The following UBE3C variants were observed in gnomAD, a reference collection of about 807,000 sequenced individuals.
UBE3C encodes ubiquitin-protein ligase E3C.
Under a neutral mutation model 129.4 loss-of-function variants are expected in UBE3C, and 42 were observed. The ratio of observed to expected loss-of-function variants is 0.32; its 90% confidence interval spans 0.25 to 0.42. The LOEUF (loss-of-function observed/expected upper bound fraction) is 0.42, where lower values mean the gene tolerates loss of function less well. Among genes scored for constraint, UBE3C ranks in the 10% least tolerant of loss-of-function variants. The pLI is 1.00. For missense variants in UBE3C, 1,049 were observed against 1,319.1 expected (o/e 0.80, Z 3.17); for synonymous variants, 510 against 492.4 (o/e 1.04, Z -0.47).
rs1807350642 is a variant in UBE3C at position 157,139,189 on chromosome 7, C to T, written c.-84C>T. 2 of 1,039,016 alleles carry T rather than the reference C, an allele frequency of 1.9e-6. No homozygotes were observed. Among genetic ancestry groups the T allele is most frequent in the Non-Finnish European group, 2.4e-6 (2 of 847,266 alleles). The allele number at this position is 1,039,016 out of a possible 1,614,324, so 64.4% of individuals were successfully genotyped here. ...TGCCCCGGGCCGGGCGGGCGGGCGCCGAGAGCCTCCCAGCCCGCCCCGTGC... is the reference window on the plus strand; with the variant it reads ...TGCCCCGGGCCGGGCGGGCGGGCGCTGAGAGCCTCCCAGCCCGCCCCGTGC... On this transcript the variant is annotated 5_prime_UTR_variant, in exon 1 of 23. It introduces an in-frame stop codon into an upstream open reading frame of the 5' UTR. Coordinates refer to ENST00000348165, the MANE Select transcript of UBE3C (RefSeq NM_014671.3).
chr7:157,195,179 T>G (rs565063787), intron 10 of UBE3C, among the ~76,000 whole-genome samples: 2 of 152,316 alleles, frequency 1.3e-5, no homozygotes, highest in Admixed American at 1.3e-4. Flanking sequence ...CCCAGCTATT[T>G]CAGAAAAAGC....
intron 1 of UBE3C, among the ~76,000 whole-genome samples, chr7:157,162,791 T>TA (rs1372784888): frequency 6.6e-6 from 1 of 152,176 alleles, no homozygotes; most frequent in Non-Finnish European, 1.5e-5. Context: ...GTGCAGGGAT[T>TA]ACAGGCATGA....
intron 13 of UBE3C, among the ~76,000 whole-genome samples, chr7:157,213,088 AC>A (rs1809643088): frequency 6.6e-6 from 1 of 152,192 alleles, no homozygotes; most frequent in Admixed American, 6.5e-5. Context: ...ATTTATTAGT[AC>A]TTGAATAATG....
intron 5 of UBE3C, 34 bp from the exon 6 acceptor site, chr7:157,178,656 T>G: frequency 6.3e-7 from 1 of 1,598,924 alleles, no homozygotes; most frequent in Non-Finnish European, 8.5e-7. Flanking sequence ...TTTGCCATCC[T>G]GTAAGTGTGT....
At chr7:157,225,348 T>C (rs1795847010) in intron 16 of UBE3C, 59 bp from the exon 17 acceptor site, 2 of 1,545,734 alleles carry the variant, frequency 1.3e-6, no homozygotes, top group African/African-American at 2.8e-5. Context: ...GTTTATTCTT[T>C]GGTAGGTTGT....
At chr7:157,146,272 C>T (rs1440662133) in intron 1 of UBE3C, among the ~76,000 whole-genome samples, 5 of 151,726 alleles carry the variant, frequency 3.3e-5, no homozygotes, top group African/African-American at 9.7e-5. Context: ...GACGAAGTCT[C>T]GCTCTGTCTC....
intron 2 of UBE3C, among the ~76,000 whole-genome samples, chr7:157,167,276 A>G (rs1289377801): frequency 1.3e-5 from 2 of 152,040 alleles, no homozygotes; most frequent in African/African-American, 2.4e-5. Flanking sequence ...AACTACATCT[A>G]CATGACCTGA....
Position 157,174,918 on chromosome 7 carries a change from G to T in UBE3C, c.343-1G>T. 1 of 1,593,056 alleles carries T rather than the reference G, an allele frequency of 6.3e-7. No homozygotes were observed. ...GTATATTTTATGTTTTGCTGTTTCA[G>T]ATATGGCTGTATCAGAACTTAATTA... On this transcript the variant is annotated splice_acceptor_variant, in intron 4 of 22. Transcript: ENST00000348165. LOFTEE classifies it high-confidence loss of function.
chr7:157,209,952 G>A lies in UBE3C; in HGVS notation c.1809+2017G>A, dbSNP rs138455874. 4.8e-3 allele frequency among the ~76,000 whole-genome samples: 732 copies of A among 152,336 alleles called. 6 individuals carry two copies. In the Middle Eastern group the frequency reaches 0.058, roughly 12 times the overall value. ...TCCCAGCACTTTGGGAGGCCAAGGCGGGTGGATCACGAGGTCAGGAGTTTG... is the reference window on the plus strand; with the variant it reads ...TCCCAGCACTTTGGGAGGCCAAGGCAGGTGGATCACGAGGTCAGGAGTTTG... On this transcript the variant is annotated intron_variant, in intron 13 of 22. Coordinates refer to ENST00000348165, the MANE Select transcript of UBE3C (RefSeq NM_014671.3).
chr7:157,206,255 TC>T, intron 11 of UBE3C, among the ~76,000 whole-genome samples: 1 of 152,312 alleles, frequency 6.6e-6, no homozygotes, highest in South Asian at 2.1e-4. Flanking sequence ...ATATCGTAGC[TC>T]TTTTTTATTT....
intron 18 of UBE3C, among the ~76,000 whole-genome samples, chr7:157,244,469 CTGCT>C (rs903229951): frequency 6.6e-6 from 1 of 152,098 alleles, no homozygotes; most frequent in Non-Finnish European, 1.5e-5. Flanking sequence ...TTAAAATTAT[CTGCT>C]TGCTCAGTTA....
chr7:157,263,301 T>TCCTAACGCCACCTTC (rs1554440447), intron 22 of UBE3C: 92 of 149,530 alleles, frequency 6.2e-4, no homozygotes, highest in African/African-American at 2.2e-3. Context: ...CGGGCGCCTG[T>TCCTAACGCCACCTTC]CCTAACGCCA....
intron 22 of UBE3C, among the ~76,000 whole-genome samples, chr7:157,266,693 C>T (rs546805362): frequency 1.1e-4 from 16 of 152,250 alleles, no homozygotes; most frequent in South Asian, 8.3e-4. Flanking sequence ...TTGGTTAACC[C>T]GAGTAATAGC....
chr7:157,182,394 G>A, intron 8 of UBE3C, 66 bp downstream of exon 8: 1 of 1,518,860 alleles, frequency 6.6e-7, no homozygotes, highest in East Asian at 2.3e-5. Context: ...TGAGTCAAGA[G>A]AAGGCCATGC....
intron 1 of UBE3C, among the ~76,000 whole-genome samples, chr7:157,146,894 G>A (rs921898418): frequency 7.2e-5 from 11 of 152,088 alleles, no homozygotes; most frequent in Admixed American, 3.9e-4. Context: ...GAAGTGATCC[G>A]CCTGCCTCAG....
At chr7:157,220,863 A>G (rs961619788) in intron 15 of UBE3C, 87 bp downstream of exon 15, 17 of 1,432,252 alleles carry the variant, frequency 1.2e-5, no homozygotes, top group South Asian at 2.6e-5. Flanking sequence ...GTTATTTTTC[A>G]TAAACTTATA....
chr7:157,188,377 G>A (rs1808866718), intron 10 of UBE3C, among the ~76,000 whole-genome samples: 1 of 152,238 alleles, frequency 6.6e-6, no homozygotes, highest in South Asian at 2.1e-4. Flanking sequence ...ATGAGGTGCT[G>A]TCTTCACTCA....
At chr7:157,258,159 C>G (rs1796804226) in intron 22 of UBE3C, among the ~76,000 whole-genome samples, 2 of 152,062 alleles carry the variant, frequency 1.3e-5, no homozygotes, top group African/African-American at 4.8e-5. Context: ...ATTCCCCAGG[C>G]TGGCCTCCAA....
intron 13 of UBE3C, among the ~76,000 whole-genome samples, chr7:157,211,844 C>T (rs1201489941): frequency 6.6e-6 from 1 of 152,134 alleles, no homozygotes; most frequent in Non-Finnish European, 1.5e-5. Context: ...GCAGTATCAC[C>T]ACGTAGTGAA....
Sources: allele counts gnomAD v4.1 joint callset (sites outside exome capture counted in the v4.1 genomes callset), GRCh38; gene constraint gnomAD v4.1.1; transcripts MANE v1.5; gene names NCBI Gene and HGNC (gene_info 2026-07-23, HGNC 2026-07-21).